The following SBNO1 variants were observed in gnomAD, a reference collection of about 807,000 sequenced individuals.
SBNO1 encodes strawberry notch homolog 1, also known as protein strawberry notch homolog 1.
SBNO1 carries 23 observed loss-of-function variants against 173.6 expected under a neutral mutation model. That is an observed-to-expected ratio of 0.13 (90% CI 0.10 to 0.19). The LOEUF (loss-of-function observed/expected upper bound fraction) is 0.19, where lower values mean the gene tolerates loss of function less well. SBNO1 is among the 10% of genes least tolerant of loss of function. SBNO1 has a pLI of 1.00. For missense variants in SBNO1, 1,238 were observed against 1,671.2 expected (o/e 0.74, Z 4.52); for synonymous variants, 632 against 571.5 (o/e 1.11, Z -1.51).
At chr12:123,350,218 C>A (rs927168547) in intron 2 of SBNO1, 92 bp downstream of exon 2, 8 of 1,433,790 alleles carry the variant, frequency 5.6e-6, no homozygotes, top group Non-Finnish European at 6.7e-6. Flanking sequence ...TGCACCACTG[C>A]ACCCCAGCCT....
chr12:123,358,678 G>C (rs1217112677), intron 1 of SBNO1, among the ~76,000 whole-genome samples: 2 of 147,820 alleles, frequency 1.4e-5, no homozygotes, highest in African/African-American at 5.0e-5. Flanking sequence ...AGGAGGCAGA[G>C]CTTGCAGTGA....
In SBNO1 at chr12:123,357,063, C is replaced by T. The variant is rs117900572; in HGVS notation, c.1-6622G>A. ...CAGTTCATCAACAAATATTAAGTGT[C>T]TACTGTGTGCAGTAGACACTTAAGA... On this transcript the variant is annotated intron_variant, in intron 1 of 31. Coordinates refer to ENST00000602398, the MANE Select transcript of SBNO1 (RefSeq NM_001167856.3). 2.7e-4 allele frequency among the ~76,000 whole-genome samples: 41 copies of T among 151,992 alleles called. No individual in the cohort carries two copies. The East Asian group carries it at 5.2e-3, about 19-fold the overall frequency.
At chr12:123,360,267 C>A (rs1191708218) in intron 1 of SBNO1, among the ~76,000 whole-genome samples, 1 of 150,792 alleles carries the variant, frequency 6.6e-6, no homozygotes, top group Non-Finnish European at 1.5e-5. Context: ...AAAAATGTAT[C>A]TTTACACCAA....
At position 123,334,226 on chromosome 12, in the gene SBNO1, G is replaced by A. The variant is rs1246087657; in HGVS notation, c.749-13C>T. 7 of 1,489,750 alleles carry A rather than the reference G, an allele frequency of 4.7e-6. No homozygotes were observed. Among genetic ancestry groups the A allele is most frequent in the Admixed American group, 4.4e-5 (2 of 45,958 alleles). 92.3% of individuals were successfully genotyped at this position (1,489,750 alleles called of 1,614,324 possible). On this transcript the variant is annotated splice_polypyrimidine_tract_variant and intron_variant, in intron 6 of 31. Transcript: ENST00000602398. ...AGGCCAATTTTTACTAAACAAAAAT[G>A]TAAAAACATTTTATTTTAATTATTC...
rs1870596165 is a variant in SBNO1 at position 123,326,169 on chromosome 12, C to T, written c.1858G>A (p.Glu620Lys). ...VKRVVQLARE[E>K]IKNGKCVVIG... ...CTACTTACTTTTCCATTCTTGATTT[C>T]CTCTCGAGCTAGTTGCACAACCCTT... The change falls in exon 14 of 32, where the codon GAA (glutamate) becomes AAA (lysine). Residue 620 changes from glutamate (E) to lysine (K), a missense_variant. Glu to Lys is a moderately conservative substitution (Grantham distance 56, BLOSUM62 1). This residue lies in a region of SBNO1 where 182 missense variants were observed against 339.9 expected (regional missense o/e 0.54). Coordinates refer to ENST00000602398, the MANE Select transcript of SBNO1 (RefSeq NM_001167856.3). The T allele has an allele frequency of 2.5e-6, 4 of 1,607,000 alleles. No individual in the cohort carries two copies. The highest frequency in any genetic ancestry group is 3.4e-6 in the Non-Finnish European group (4 of 1,176,094).
chr12:123,323,605 C>G (rs1033853279), intron 16 of SBNO1, 75 bp downstream of exon 16: 21 of 1,082,346 alleles, frequency 1.9e-5, no homozygotes, highest in Non-Finnish European at 2.7e-5. Context: ...CTGCCCACCT[C>G]AGCCTCCCAA....
chr12:123,297,067 A>C (rs1041732925), intron 31 of SBNO1, among the ~76,000 whole-genome samples: 1 of 151,608 alleles, frequency 6.6e-6, no homozygotes, highest in African/African-American at 2.4e-5. Flanking sequence ...GTTGGCAATT[A>C]ATTCAAATGA....
At chr12:123,297,004 G>A (rs749466436) in intron 31 of SBNO1, among the ~76,000 whole-genome samples, 11 of 151,874 alleles carry the variant, frequency 7.2e-5, no homozygotes, top group Admixed American at 3.9e-4. Flanking sequence ...CTGATGGGCT[G>A]CTTTTGAAAC....
chr12:123,345,271 T>C lies in SBNO1; in HGVS notation c.537A>G (p.Val179=). The change falls in exon 4 of 32, where the codon GTA becomes GTG. Residue 179 remains valine, a synonymous_variant. Transcript: ENST00000602398. ...AAACAGACTTACTAGCTGCTGTTGC[T>C]ACTGGCTGAGCAATATTAGCAGGTG... ...LKPPANIAQP[V]ATAATDVSNG... 2 of 1,613,288 alleles carry C rather than the reference T, an allele frequency of 1.2e-6. No homozygotes were observed. Among genetic ancestry groups the C allele is most frequent in the Non-Finnish European group, 1.7e-6 (2 of 1,179,270 alleles).
rs1305039554 is a variant in SBNO1, at chr12:123,309,845, T to A, written c.3307A>T (p.Ile1103Leu). The A allele has an allele frequency of 3.1e-6, 5 of 1,593,848 alleles. No homozygotes were observed. Among genetic ancestry groups the A allele is most frequent in the African/African-American group, 1.4e-5 (1 of 73,720 alleles). The change falls in exon 26 of 32, where the codon ATA becomes TTA. Residue 1103 changes from isoleucine (I) to leucine (L), a missense_variant. Ile to Leu is a conservative substitution (Grantham distance 5). Around this residue, in one of 14 missense-constraint regions of SBNO1, gnomAD observed 351 missense variants for 420.3 expected, o/e 0.84. Transcript: ENST00000602398. ...AAAATTCTATTTAAGAATTTTCCTA[T>A]GTTGTTATAATCTGTAATGACAAAA... ...ILTLDKDYNN[I>L]GKFLNRILGM...
chr12:123,303,955 C>G (rs182053811), intron 29 of SBNO1, among the ~76,000 whole-genome samples: 206 of 94,494 alleles, frequency 2.2e-3, no homozygotes, highest in African/African-American at 7.8e-3. Flanking sequence ...GAGACGGAGT[C>G]TTGCTCTGTC....
intron 7 of SBNO1, among the ~76,000 whole-genome samples, chr12:123,333,470 A>C (rs1871469220): frequency 6.6e-6 from 1 of 152,162 alleles, no homozygotes; most frequent in South Asian, 2.1e-4. Flanking sequence ...CACTCCTAGG[A>C]ATGGGTATAT....
At chr12:123,364,301 C>T in intron 1 of SBNO1, 2 of 985,662 alleles carry the variant, frequency 2.0e-6, no homozygotes, top group South Asian at 4.7e-5. Context: ...TTACTTTCCC[C>T]GCGGGTCCCG....
chr12:123,345,208 G>C, intron 4 of SBNO1, 50 bp downstream of exon 4: 3 of 1,476,560 alleles, frequency 2.0e-6, no homozygotes, highest in Non-Finnish European at 2.8e-6. Context: ...AAAACATGCT[G>C]ACATAGCTTA....
chr12:123,320,832 G>A lies in SBNO1; in HGVS notation c.2358C>T (p.Asn786=). The A allele has an allele frequency of 6.3e-7, 1 of 1,591,768 alleles. No homozygotes were observed. The highest frequency in any genetic ancestry group is 8.5e-7 in the Non-Finnish European group (1 of 1,171,444). Residue 786 remains asparagine (N), a synonymous_variant, in exon 18 of 32, where the codon AAC becomes AAT. Coordinates refer to ENST00000602398, the MANE Select transcript of SBNO1 (RefSeq NM_001167856.3). ...PWLIRKDHKK[N]KEKKKKKSID... ...TACTTTTCTTCTTTTTTTTCTCTTT[G>A]TTTTTCTTGTGGTCTTTTCTAATTA...
In SBNO1 at chr12:123,319,897, T is replaced by C. The variant is rs756281621; in HGVS notation, c.2799+3A>G. ...CACTGAGAAGCATCTCAGTAAAACA[T>C]ACCTTATCTCCATCCATAAATCGTT... On this transcript the variant is annotated splice_donor_region_variant and intron_variant, in intron 20 of 31. Transcript: ENST00000602398. 5 of 1,613,568 alleles carry C rather than the reference T, an allele frequency of 3.1e-6. No homozygotes were observed. The East Asian group carries it at 8.9e-5, about 29-fold the overall frequency.
intron 9 of SBNO1, among the ~76,000 whole-genome samples, chr12:123,329,919 T>C (rs11057273): frequency 0.89 from 135,250 of 152,226 alleles, 60,216 homozygotes; most frequent in Middle Eastern, 0.95. Flanking sequence ...CTGGCACACA[T>C]TGTCTTTCAG....
intron 1 of SBNO1, among the ~76,000 whole-genome samples, chr12:123,357,712 G>A (rs924807512): frequency 1.3e-5 from 2 of 151,912 alleles, no homozygotes; most frequent in Non-Finnish European, 2.9e-5. Flanking sequence ...CCGAGGTCGT[G>A]CCACTGCACT....
chr12:123,294,775 T>C lies in SBNO1; in HGVS notation c.*1133A>G, dbSNP rs904950192. On this transcript the variant is annotated 3_prime_UTR_variant, in exon 32 of 32. Coordinates refer to ENST00000602398, the MANE Select transcript of SBNO1 (RefSeq NM_001167856.3). The stretch of plus-strand genomic sequence containing the variant: ...ACAAAACTTACCCATATTATATAGA[T>C]AAGTGTCTATTCACATTTGTACATT... 1 of 155,150 alleles carries C rather than the reference T, an allele frequency of 6.4e-6. No individual in the cohort carries two copies. Among genetic ancestry groups the C allele is most frequent in the Non-Finnish European group, 1.4e-5 (1 of 70,578 alleles). 9.6% of individuals were successfully genotyped at this position (155,150 alleles called of 1,614,324 possible).
Sources: allele counts gnomAD v4.1 joint callset (sites outside exome capture counted in the v4.1 genomes callset), GRCh38; gene constraint gnomAD v4.1.1; regional missense constraint gnomAD v4.1.1; transcripts MANE v1.5; gene names NCBI Gene and HGNC (gene_info 2026-07-23, HGNC 2026-07-21).